The following WWTR1 variants were observed in gnomAD, a reference collection of about 807,000 sequenced individuals.
WWTR1 encodes the protein WW domain-containing transcription regulator protein 1.
WWTR1 carries 13 observed loss-of-function variants against 40.1 expected under a neutral mutation model. The ratio of observed to expected loss-of-function variants is 0.32; its 90% CI spans 0.21 to 0.52. The LOEUF is 0.52. Ranked by LOEUF, WWTR1 falls within the 20% of genes least tolerant of loss-of-function variation. The probability of loss-of-function intolerance (pLI) is 0.97; values close to 1 mark genes in which losing one functional copy is unlikely to be tolerated. For missense variants in WWTR1, 436 were observed against 523.1 expected (o/e 0.83, Z 1.63); for synonymous variants, 230 against 210.1 (o/e 1.09, Z -0.82).
chr3:149,549,008 C>T (rs764351541), intron 3 of WWTR1, among the ~76,000 whole-genome samples: 109 of 152,174 alleles, frequency 7.2e-4, no homozygotes, highest in Non-Finnish European at 1.2e-3. Flanking sequence ...CATTAGTTTA[C>T]TAAAAATGTA....
rs755442408 is a variant in WWTR1, at chr3:149,543,580, CAAAAAAAAAAAA to C, written c.569-1055_569-1044del. ...CTGGTGACAAAGAAAGACTCTGTCT[CAAAAAAAAAAAA>C]AAAAAAAAAAAGAACTTCACTTTAC... On this transcript the variant is annotated intron_variant, in intron 3 of 6. Transcript: ENST00000360632. Among the ~76,000 whole-genome samples the C allele has an allele frequency of 6.7e-4, 21 of 31,228 alleles. No homozygotes were observed. The Admixed American group carries it at 9.8e-3, about 15-fold the overall frequency. The allele number at this position is 31,228 out of a possible 152,430, so 20.5% of individuals were successfully genotyped here.
intron 1 of WWTR1, among the ~76,000 whole-genome samples, chr3:149,685,416 T>C (rs565597798): frequency 4.6e-5 from 7 of 152,250 alleles, no homozygotes; most frequent in African/African-American, 1.4e-4. Context: ...CCAGAACAGG[T>C]AGAATCCAGT....
At chr3:149,564,716 C>T (rs989197061) in intron 3 of WWTR1, among the ~76,000 whole-genome samples, 1 of 152,034 alleles carries the variant, frequency 6.6e-6, no homozygotes, top group African/African-American at 2.4e-5. Flanking sequence ...AAGTTCCTGT[C>T]CTCAAGAAGC....
intron 6 of WWTR1, among the ~76,000 whole-genome samples, chr3:149,522,350 T>A (rs568714454): frequency 6.6e-6 from 1 of 152,180 alleles, no homozygotes. Flanking sequence ...ATCATCCAAT[T>A]TGGATTTTGG....
chr3:149,597,012 G>C (rs916946678), intron 2 of WWTR1, among the ~76,000 whole-genome samples: 16 of 152,024 alleles, frequency 1.1e-4, no homozygotes, highest in Non-Finnish European at 1.9e-4. Context: ...ATTATGATTA[G>C]GACACAATGA....
At chr3:149,608,058 A>G (rs971816624) in intron 2 of WWTR1, among the ~76,000 whole-genome samples, 3 of 152,230 alleles carry the variant, frequency 2.0e-5, no homozygotes, top group South Asian at 2.1e-4. Context: ...TGTTACATGA[A>G]TGAATAAATA....
chr3:149,604,233 A>C (rs1739386489), intron 2 of WWTR1, among the ~76,000 whole-genome samples: 1 of 152,292 alleles, frequency 6.6e-6, no homozygotes, highest in East Asian at 1.9e-4. Context: ...TTAAAATCAC[A>C]CTGCCAACAC....
intron 2 of WWTR1, among the ~76,000 whole-genome samples, chr3:149,600,437 A>G (rs1739191307): frequency 6.6e-6 from 1 of 152,206 alleles, no homozygotes; most frequent in South Asian, 2.1e-4. Flanking sequence ...GAGGAGCCTG[A>G]CAGCTTCCTC....
intron 2 of WWTR1, among the ~76,000 whole-genome samples, chr3:149,612,654 T>C (rs1002225581): frequency 6.6e-6 from 1 of 152,212 alleles, no homozygotes; most frequent in Non-Finnish European, 1.5e-5. Flanking sequence ...GATATGAGGC[T>C]GCAACACTGA....
At chr3:149,595,239 C>G (rs1051277826) in intron 2 of WWTR1, among the ~76,000 whole-genome samples, 10 of 152,050 alleles carry the variant, frequency 6.6e-5, no homozygotes, top group African/African-American at 2.4e-4. Context: ...GGATTACAGG[C>G]ATGAGCCACC....
chr3:149,706,673 T>A (rs759951856), upstream of WWTR1, among the ~76,000 whole-genome samples: 7 of 152,144 alleles, frequency 4.6e-5, no homozygotes, highest in Non-Finnish European at 7.4e-5. Context: ...CTATTTTATA[T>A]CCTTATATTT....
At chr3:149,553,831 C>T (rs988383997) in intron 3 of WWTR1, among the ~76,000 whole-genome samples, 6 of 152,076 alleles carry the variant, frequency 3.9e-5, no homozygotes, top group Admixed American at 2.6e-4. Context: ...AACTGGCCAA[C>T]GTCAGGTGTC....
chr3:149,586,294 A>G (rs1321487871), intron 2 of WWTR1, among the ~76,000 whole-genome samples: 3 of 152,198 alleles, frequency 2.0e-5, no homozygotes, highest in Admixed American at 2.0e-4. Flanking sequence ...GTAGCATTAG[A>G]ATAATCACTT....
At chr3:149,600,511 A>G (rs1378811491) in intron 2 of WWTR1, among the ~76,000 whole-genome samples, 1 of 152,090 alleles carries the variant, frequency 6.6e-6, no homozygotes, top group African/African-American at 2.4e-5. Flanking sequence ...TGTCCTTGAC[A>G]CTCACTCCAC....
intron 2 of WWTR1, among the ~76,000 whole-genome samples, chr3:149,575,363 C>A (rs918162732): frequency 3.9e-5 from 6 of 152,098 alleles, no homozygotes; most frequent in Non-Finnish European, 4.4e-5. Flanking sequence ...ATAATTAGAC[C>A]TAAGAAATGC....
intron 1 of WWTR1, among the ~76,000 whole-genome samples, chr3:149,674,594 AAAAG>A (rs1010913277): frequency 2.5e-4 from 38 of 152,236 alleles, no homozygotes; most frequent in South Asian, 1.7e-3. Flanking sequence ...CTAAAAAAAA[AAAAG>A]AATTTGTATG....
At chr3:149,554,956 C>CAACT (rs1736757466) in intron 3 of WWTR1, among the ~76,000 whole-genome samples, 2 of 152,176 alleles carry the variant, frequency 1.3e-5, no homozygotes, top group South Asian at 4.1e-4. Flanking sequence ...AATAGCAGTA[C>CAACT]AACTACAACT....
At chr3:149,544,404 C>T (rs1452151876) in intron 3 of WWTR1, among the ~76,000 whole-genome samples, 1 of 152,164 alleles carries the variant, frequency 6.6e-6, no homozygotes, top group Non-Finnish European at 1.5e-5. Context: ...GCGTGTCATG[C>T]ACTGGGCTTA....
intron 4 of WWTR1, among the ~76,000 whole-genome samples, chr3:149,720,200 A>C (rs909673893): frequency 6.6e-6 from 1 of 152,072 alleles, no homozygotes; most frequent in African/African-American, 2.4e-5. Context: ...GCCTAATCCC[A>C]TGTCGTGAAG....
Sources: gnomAD v4.1 joint callset for allele counts (sites outside exome capture counted in the v4.1 genomes callset) on GRCh38, gnomAD v4.1.1 for gene constraint, MANE v1.5 for transcripts, NCBI Gene and HGNC (gene_info 2026-07-23, HGNC 2026-07-21) for gene names.